VIT: variants seen among roughly 807,000 people sequenced by gnomAD.
VIT encodes the protein vitrin.
A neutral mutation model predicts 78.0 loss-of-function variants in VIT; 99 were observed. The observed-to-expected ratio is 1.27, with a 90% CI of 1.08 to 1.50. The LOEUF (loss-of-function observed/expected upper bound fraction) is 1.50, where lower values mean the gene tolerates loss of function less well. Ranked by LOEUF, VIT falls within the 40% of genes most tolerant of loss-of-function variation. The probability of loss-of-function intolerance (pLI) is 0.00; values close to 1 mark genes in which losing one functional copy is unlikely to be tolerated. For missense variants in VIT, 1,126 were observed against 875.3 expected, an observed-to-expected ratio of 1.29 and a Z score of -3.61; for synonymous variants, 374 against 334.3, an observed-to-expected ratio of 1.12 and a Z score of -1.29.
intron 3 of VIT, among the ~76,000 whole-genome samples, chr2:36,736,257 A>T (rs564726692): frequency 9.2e-5 from 14 of 152,342 alleles, no homozygotes; most frequent in African/African-American, 3.4e-4. Context: ...AGGTGTGTTC[A>T]TAAGACACTT....
intron 4 of VIT, among the ~76,000 whole-genome samples, chr2:36,752,309 C>T (rs1410140925): frequency 4.6e-5 from 7 of 152,196 alleles, no homozygotes; most frequent in Non-Finnish European, 8.8e-5. Context: ...ACACTCTTCA[C>T]GCTGATCTCT....
chr2:36,766,653 A>G (rs771506716), intron 6 of VIT, among the ~76,000 whole-genome samples: 3 of 152,236 alleles, frequency 2.0e-5, no homozygotes, highest in Non-Finnish European at 4.4e-5. Flanking sequence ...AACCTAAACC[A>G]GCGCATCTAA....
intron 1 of VIT, among the ~76,000 whole-genome samples, chr2:36,704,035 C>G (rs1665252983): frequency 6.6e-6 from 1 of 151,140 alleles, no homozygotes. Context: ...GACTGATTCT[C>G]CTGCCTCAGC....
chr2:36,703,252 G>C (rs950734795), intron 1 of VIT, among the ~76,000 whole-genome samples: 1 of 152,204 alleles, frequency 6.6e-6, no homozygotes, highest in Non-Finnish European at 1.5e-5. Context: ...TCAGAGATCA[G>C]AGAGCAAAAA....
chr2:36,781,738 T>A lies in VIT; in HGVS notation c.814T>A (p.Ser272Thr), dbSNP rs776530181. 2 of 1,614,204 alleles carry A rather than the reference T, an allele frequency of 1.2e-6. No individual in the cohort carries two copies. The highest frequency in any genetic ancestry group is 8.5e-7 in the Non-Finnish European group (1 of 1,180,032). The change falls in exon 10 of 16, where the codon TCA becomes ACA. Residue 272 changes from serine (S) to threonine (T), a missense_variant. Transcript: ENST00000379242. ...ATTTTGAAAATCAGGAGAGATGGAC[T>A]CATGGAAACCTGGATCGGTCCTTTT... ...GADVSLGEMD[S>T]WKPGSVLLDE...
intron 6 of VIT, chr2:36,759,341 A>G (rs1424798375): frequency 2.1e-6 from 3 of 1,423,744 alleles, no homozygotes; most frequent in Non-Finnish European, 2.7e-6. Flanking sequence ...GCTTTAGAAA[A>G]TGACATGACA....
At chr2:36,731,314 G>A (rs962465349) in intron 3 of VIT, among the ~76,000 whole-genome samples, 5 of 151,636 alleles carry the variant, frequency 3.3e-5, no homozygotes, top group Non-Finnish European at 4.4e-5. Context: ...TCACTCTGTC[G>A]CCAGGCTGGA....
intron 3 of VIT, among the ~76,000 whole-genome samples, chr2:36,731,825 A>C (rs1667227460): frequency 6.6e-6 from 1 of 152,214 alleles, no homozygotes; most frequent in South Asian, 2.1e-4. Context: ...TGCTCTCCAC[A>C]ACTGAAACTT....
intron 6 of VIT, among the ~76,000 whole-genome samples, chr2:36,760,564 G>A (rs1669054032): frequency 6.6e-6 from 1 of 152,136 alleles, no homozygotes; most frequent in Non-Finnish European, 1.5e-5. Flanking sequence ...CTTTTGACCT[G>A]GGCACAGAGA....
intron 14 of VIT, among the ~76,000 whole-genome samples, chr2:36,807,175 G>C (rs1200856595): frequency 6.6e-6 from 1 of 152,140 alleles, no homozygotes; most frequent in Non-Finnish European, 1.5e-5. Context: ...TGCTCCCCAG[G>C]TTAGTTTAGA....
In VIT at chr2:36,765,718, C is replaced by A. The variant is rs529415978; in HGVS notation, c.488-1376C>A. Among the ~76,000 whole-genome samples, 3 of 152,344 alleles carry A rather than the reference C, an allele frequency of 2.0e-5. No individual in the cohort carries two copies. The South Asian group carries it at 6.2e-4, about 32-fold the overall frequency. ...GGCATGGCCACAAGCCAAGGAATGC[C>A]AGCAGTCAGCAGAAAGCAGAAGAGG... On this transcript the variant is annotated intron_variant, in intron 6 of 15. Transcript: ENST00000379242.
At chr2:36,791,185 A>C (rs1665475886) in intron 12 of VIT, among the ~76,000 whole-genome samples, 1 of 152,180 alleles carries the variant, frequency 6.6e-6, no homozygotes, top group African/African-American at 2.4e-5. Context: ...ATGAGTCTAT[A>C]ATAGCTGTCC....
rs186234439 is a variant in VIT, at chr2:36,788,279, G to A, written c.1058+1003G>A. 3.7e-4 allele frequency among the ~76,000 whole-genome samples: 56 copies of A among 152,270 alleles called. No individual in the cohort carries two copies. The East Asian group carries it at 0.01, about 27-fold the overall frequency. ...AAACTATCCATACCTGACAACACCC[G>A]CGGGGTCTCCAGCGCCTTCAGAGGT... On this transcript the variant is annotated intron_variant, in intron 12 of 15. Coordinates refer to ENST00000379242, the MANE Select transcript of VIT (RefSeq NM_053276.4).
At chr2:36,795,781 G>A (rs150343641) in intron 12 of VIT, among the ~76,000 whole-genome samples, 1 of 152,038 alleles carries the variant, frequency 6.6e-6, no homozygotes, top group African/African-American at 2.4e-5. Context: ...TTACATTTTT[G>A]TGCTTGTCTT....
At chr2:36,730,898 T>C (rs1480998789) in intron 3 of VIT, among the ~76,000 whole-genome samples, 3 of 152,080 alleles carry the variant, frequency 2.0e-5, no homozygotes, top group African/African-American at 7.2e-5. Flanking sequence ...TTTGCGAGTA[T>C]GCAAAAAAGT....
At chr2:36,757,803 C>T (rs967781842) in intron 5 of VIT, among the ~76,000 whole-genome samples, 1 of 152,092 alleles carries the variant, frequency 6.6e-6, no homozygotes, top group African/African-American at 2.4e-5. Flanking sequence ...TAAGCAGGGC[C>T]GTGTCATTAT....
rs1400888814 is a variant in VIT at position 36,773,848 on chromosome 2, G to A, written c.736+1G>A. The A allele has an allele frequency of 2.5e-6, 4 of 1,593,690 alleles. No individual in the cohort carries two copies. Among genetic ancestry groups the A allele is most frequent in the South Asian group, 1.2e-5 (1 of 86,704 alleles). On this transcript the variant is annotated splice_donor_variant, in intron 8 of 15. Transcript: ENST00000379242. LOFTEE classifies it high-confidence loss of function. ...CAAAACAGGCCCAGAGCTGATCCAG[G>A]TAAGACCTTAAACTCCCTTTCCAGC...
chr2:36,720,485 A>G (rs1205222370), intron 2 of VIT, among the ~76,000 whole-genome samples: 1 of 152,228 alleles, frequency 6.6e-6, no homozygotes, highest in Non-Finnish European at 1.5e-5. Context: ...TACATATACA[A>G]TGGAATATTA....
intron 4 of VIT, among the ~76,000 whole-genome samples, chr2:36,748,569 T>A (rs1012434469): frequency 6.6e-6 from 1 of 152,246 alleles, no homozygotes; most frequent in African/African-American, 2.4e-5. Context: ...CTGTAGTAAA[T>A]TTTTCAATCC....
Sources: allele counts gnomAD v4.1 joint callset (sites outside exome capture counted in the v4.1 genomes callset), GRCh38; gene constraint gnomAD v4.1.1; transcripts MANE v1.5; gene names NCBI Gene and HGNC (gene_info 2026-07-23, HGNC 2026-07-21).